MTCH1: variants seen among roughly 807,000 people sequenced by gnomAD.
MTCH1 encodes the protein mitochondrial carrier 1.
MTCH1 carries 23 observed loss-of-function variants against 49.3 expected under a neutral mutation model. The ratio of observed to expected loss-of-function variants is 0.47; its 90% CI spans 0.34 to 0.66. MTCH1 has a LOEUF of 0.66. Among genes scored for constraint, MTCH1 ranks in the 30% least tolerant of loss-of-function variants. MTCH1 has a pLI of 0.01. For synonymous variants in MTCH1, 229 were observed against 215.2 expected (o/e 1.06, Z -0.56); for missense variants, 397 against 532.1 (o/e 0.75, Z 2.50).
At chr6:36,985,634 C>T (rs1446731459) in intron 1 of MTCH1, among the ~76,000 whole-genome samples, 2 of 152,054 alleles carry the variant, frequency 1.3e-5, no homozygotes, top group Admixed American at 6.6e-5. Context: ...ATTACTCTAA[C>T]CCCTTGGTCT....
At chr6:36,979,372 C>A (rs1764009420) in intron 2 of MTCH1, among the ~76,000 whole-genome samples, 3 of 152,196 alleles carry the variant, frequency 2.0e-5, no homozygotes, top group Non-Finnish European at 2.9e-5. Flanking sequence ...TGTTTTCTAT[C>A]AACATTTTAA....
intron 7 of MTCH1, among the ~76,000 whole-genome samples, chr6:36,974,893 T>TCAG (rs1763812193): frequency 6.6e-6 from 1 of 152,184 alleles, no homozygotes; most frequent in Non-Finnish European, 1.5e-5. Flanking sequence ...GACATACTTA[T>TCAG]CAGCATGTAT....
upstream of MTCH1, chr6:36,986,290 T>A: frequency 1.0e-6 from 1 of 1,000,072 alleles, no homozygotes; most frequent in Non-Finnish European, 1.3e-6. Context: ...GGGAGCGTGG[T>A]GCGGCGGGTG....
intron 7 of MTCH1, among the ~76,000 whole-genome samples, chr6:36,973,378 T>C (rs142898914): frequency 6.6e-6 from 1 of 152,274 alleles, no homozygotes; most frequent in African/African-American, 2.4e-5. Context: ...GTGCCTCTTG[T>C]GTTTTTTACA....
In MTCH1 at chr6:36,971,477, G is replaced by A. The variant is rs566257440; in HGVS notation, c.907-783C>T. 5.3e-5 allele frequency among the ~76,000 whole-genome samples: 8 copies of A among 152,230 alleles called. 1 individual carries two copies. In the South Asian group the frequency reaches 1.7e-3, roughly 32 times the overall value. On this transcript the variant is annotated intron_variant, in intron 8 of 11. Coordinates refer to ENST00000373627, the MANE Select transcript of MTCH1 (RefSeq NM_001271641.2). Reference sequence around the variant, plus strand: ...CACCCTTGCTCTGTATGTGACAGCAGCAGCTTACCCACCCACAAGGCCCCC... The same window carrying A: ...CACCCTTGCTCTGTATGTGACAGCAACAGCTTACCCACCCACAAGGCCCCC...
intron 6 of MTCH1, among the ~76,000 whole-genome samples, chr6:36,976,832 C>A (rs774827875): frequency 2.6e-5 from 4 of 152,176 alleles, no homozygotes; most frequent in African/African-American, 9.7e-5. Flanking sequence ...GAGCTATCAG[C>A]CTATGAGGGC....
chr6:36,985,205 C>T (rs535636809), intron 1 of MTCH1, among the ~76,000 whole-genome samples: 1 of 152,224 alleles, frequency 6.6e-6, no homozygotes, highest in South Asian at 2.1e-4. Context: ...CGCACTCTCC[C>T]ACCAAATTAA....
intron 1 of MTCH1, among the ~76,000 whole-genome samples, chr6:36,983,152 T>C (rs1390834863): frequency 4.6e-5 from 7 of 152,182 alleles, no homozygotes; most frequent in Non-Finnish European, 7.4e-5. Flanking sequence ...AAAACTCCTC[T>C]ATGATGGGGA....
At chr6:36,981,486 G>T in intron 2 of MTCH1, 102 bp downstream of exon 2, 1 of 1,041,714 alleles carries the variant, frequency 9.6e-7, no homozygotes, top group Non-Finnish European at 1.4e-6. Context: ...TCGACTGCGT[G>T]CCATGCTGCG....
rs150513025 is a variant in MTCH1 at position 36,977,115 on chromosome 6, G to A, written c.701+84C>T. On this transcript the variant is annotated intron_variant, in intron 6 of 11. Transcript: ENST00000373627. The surrounding 1 kb of genome is among the most constrained non-coding windows in gnomAD (Gnocchi z 5.4). ...CACACAGCACTAGGGCAGAAAAGGT[G>A]CAGCAACCAATCCCAGCACGGCCTG... The A allele has an allele frequency of 4.1e-4, 590 of 1,440,760 alleles. 1 individual carries two copies. Among genetic ancestry groups the A allele is most frequent in the Middle Eastern group, 3.1e-3 (14 of 4,588 alleles). 89.2% of individuals were successfully genotyped at this position (1,440,760 alleles called of 1,614,324 possible). A position where few individuals can be genotyped will look rare whatever the true frequency, so the allele number is the denominator to read the frequency against.
Position 36,972,308 on chromosome 6 carries a change from C to T in MTCH1, c.906+344G>A, listed in dbSNP as rs745950560. Among the ~76,000 whole-genome samples, 3 of 152,138 alleles carry T rather than the reference C, an allele frequency of 2.0e-5. No homozygotes were observed. The highest frequency in any genetic ancestry group is 4.8e-5 in the African/African-American group (2 of 41,418). The stretch of plus-strand genomic sequence containing the variant: ...CAAAAGGGTTTTAAAAAGCAAAAGA[C>T]GTGACACAAAGGTCAAGAGGTGATC... On this transcript the variant is annotated intron_variant, in intron 8 of 11. Coordinates refer to ENST00000373627, the MANE Select transcript of MTCH1 (RefSeq NM_001271641.2). The surrounding 1 kb of genome is among the most constrained non-coding windows in gnomAD (Gnocchi z 4.1).
chr6:36,978,560 C>G lies in MTCH1; in HGVS notation c.458G>C (p.Ser153Thr). ...GAGGGCGTTGGACATCAGCCGGGGA[C>G]TCAGGCCTCGGAACAGCCCTATCTT... The part of the protein sequence containing the change: ...DGKIGLFRGL[S>T]PRLMSNALST... The change falls in exon 3 of 12, where the codon AGT becomes ACT. Residue 153 changes from serine to threonine, a missense_variant. Ser to Thr is a moderately conservative substitution (Grantham distance 58, BLOSUM62 1). Around this residue, in one of 2 missense-constraint regions of MTCH1, gnomAD observed 252 missense variants for 388.3 expected, o/e 0.65. Coordinates refer to ENST00000373627, the MANE Select transcript of MTCH1 (RefSeq NM_001271641.2). The G allele has an allele frequency of 6.2e-7, 1 of 1,614,188 alleles. No homozygotes were observed. Among genetic ancestry groups the G allele is most frequent in the Non-Finnish European group, 8.5e-7 (1 of 1,180,020 alleles).
At position 36,972,856 on chromosome 6, in the gene MTCH1, C is replaced by A; in HGVS notation, c.762-60G>T. On this transcript the variant is annotated intron_variant, in intron 7 of 11. Coordinates refer to ENST00000373627, the MANE Select transcript of MTCH1 (RefSeq NM_001271641.2). This position sits in a 1 kb window ranked among gnomAD's most constrained non-coding sequence, Gnocchi z 4.1. The stretch of plus-strand genomic sequence containing the variant: ...GGGAGAGGAGCAGTTCCTGGGGGCT[C>A]CACACCCAGGAAGCAGGCAGGGATG... The A allele has an allele frequency of 6.8e-7, 1 of 1,466,342 alleles. No individual in the cohort carries two copies. The highest frequency in any genetic ancestry group is 9.3e-7 in the Non-Finnish European group (1 of 1,079,336). The allele number at this position is 1,466,342 out of a possible 1,614,324, so 90.8% of individuals were successfully genotyped here. A position where few individuals can be genotyped will look rare whatever the true frequency, so the allele number is the denominator to read the frequency against.
At chr6:36,986,245 G>C, upstream of MTCH1, 1 of 1,325,688 alleles carries the variant, frequency 7.5e-7, no homozygotes, top group Non-Finnish European at 9.7e-7. Flanking sequence ...AGGGGGCGGG[G>C]CCGGGGCGCA....
In MTCH1 at chr6:36,977,806, G is replaced by C. The variant is rs904281577; in HGVS notation, c.592-115C>G. 19 of 972,518 alleles carry C rather than the reference G, an allele frequency of 2.0e-5. No individual in the cohort carries two copies. The Admixed American group carries it at 4.5e-4, about 23-fold the overall frequency. The allele number at this position is 972,518 out of a possible 1,614,324, so 60.2% of individuals were successfully genotyped here. On this transcript the variant is annotated intron_variant, in intron 4 of 11. Transcript: ENST00000373627. This position sits in a 1 kb window ranked among gnomAD's most constrained non-coding sequence, Gnocchi z 5.4. ...AAACCTGTCCCAGGGACTGCACATG[G>C]GGTCGGTCTGCCAAGGATGGCTCCA...
At chr6:36,971,752 C>G (rs9462250) in intron 8 of MTCH1, among the ~76,000 whole-genome samples, 40,145 of 152,024 alleles carry the variant, frequency 0.26, 5,567 homozygotes, top group South Asian at 0.36. Flanking sequence ...TTCTGGCAGA[C>G]ACGTCCCCAG....
At position 36,978,665 on chromosome 6, in the gene MTCH1, T is replaced by C. The variant is rs140190363; in HGVS notation, c.407-54A>G. The C allele has an allele frequency of 2.6e-4, 402 of 1,517,446 alleles. 2 individuals carry two copies. The African/African-American group carries it at 4.6e-3, about 17-fold the overall frequency. 94.0% of individuals were successfully genotyped at this position (1,517,446 alleles called of 1,614,324 possible). On this transcript the variant is annotated intron_variant, in intron 2 of 11. Transcript: ENST00000373627. The stretch of plus-strand genomic sequence containing the variant: ...TCACACCCAGTTCAGGGGCACCCAC[T>C]CCTGGGTCACACACACCCAGACCAG...
At position 36,986,123 on chromosome 6, in the gene MTCH1, C is replaced by G; in HGVS notation, c.51G>C (p.Ala17=). The G allele has an allele frequency of 7.0e-7, 1 of 1,436,778 alleles. No individual in the cohort carries two copies. 89.0% of individuals were successfully genotyped at this position (1,436,778 alleles called of 1,614,324 possible). A position where few individuals can be genotyped will look rare whatever the true frequency, so the allele number is the denominator to read the frequency against. Residue 17 remains alanine (A), a synonymous_variant, in exon 1 of 12, where the codon GCG becomes GCC. Coordinates refer to ENST00000373627, the MANE Select transcript of MTCH1 (RefSeq NM_001271641.2). ...CTCCAGCTCCGGCTCCCGCCATCCCCGCGGCACCGCCGCGAGCCCAGGGCG... is the reference window on the plus strand; with the variant it reads ...CTCCAGCTCCGGCTCCCGCCATCCCGGCGGCACCGCCGCGAGCCCAGGGCG... The part of the protein sequence containing the change: ...EVAPWARGGA[A]GMAGAGAGAG...
At chr6:36,970,938 C>T (rs1032684021) in intron 8 of MTCH1, 11 of 562,678 alleles carry the variant, frequency 2.0e-5, no homozygotes, top group Non-Finnish European at 3.5e-5. Flanking sequence ...GCCTGTGCAA[C>T]CCACCGGACT....
Sources: gnomAD v4.1 joint callset for allele counts (sites outside exome capture counted in the v4.1 genomes callset) on GRCh38, gnomAD v4.1.1 for gene constraint, gnomAD v4.1.1 regional missense constraint, Gnocchi (gnomAD v3.1) non-coding constraint, MANE v1.5 for transcripts, NCBI Gene and HGNC (gene_info 2026-07-23, HGNC 2026-07-21) for gene names.